MACROD2: variants seen among roughly 807,000 people sequenced by gnomAD.
The protein encoded by MACROD2 is ADP-ribose glycohydrolase MACROD2.
A neutral mutation model predicts 70.4 loss-of-function variants in MACROD2; 36 were observed. That is an observed-to-expected ratio of 0.51 (90% confidence interval 0.39 to 0.68). The LOEUF (loss-of-function observed/expected upper bound fraction) is 0.68. Ranked by LOEUF, MACROD2 falls within the 30% of genes least tolerant of loss-of-function variation. The pLI is 0.00. For missense variants in MACROD2, 496 were observed against 538.4 expected, an observed-to-expected ratio of 0.92 and a Z score of 0.78; for synonymous variants, 172 against 178.8, an observed-to-expected ratio of 0.96 and a Z score of 0.30.
chr20:15,248,172 C>T (rs948247521), intron 6 of MACROD2, among the ~76,000 whole-genome samples: 1 of 152,164 alleles, frequency 6.6e-6, no homozygotes. Flanking sequence ...TTGAGGTCAG[C>T]GCATCTCACA....
At chr20:14,293,671 G>A (rs1222342809) in intron 3 of MACROD2, among the ~76,000 whole-genome samples, 2 of 151,766 alleles carry the variant, frequency 1.3e-5, no homozygotes, top group Admixed American at 6.6e-5. Flanking sequence ...TATTCTTATT[G>A]CAGTGGGAAG....
chr20:16,022,638 A>G (rs1391853428), intron 15 of MACROD2, among the ~76,000 whole-genome samples: 1 of 152,180 alleles, frequency 6.6e-6, no homozygotes, highest in Non-Finnish European at 1.5e-5. Flanking sequence ...AGTATATCCA[A>G]TGCAGATGGT....
At chr20:15,869,238 T>TATAGAGAGAGAGAGAG in intron 9 of MACROD2, among the ~76,000 whole-genome samples, 391 of 28,298 alleles carry the variant, frequency 0.014, 11 homozygotes, top group Middle Eastern at 0.031. Flanking sequence ...TATATATATA[T>TATAGAGAGAGAGAGAG]AGAGAGAGAG....
intron 3 of MACROD2, among the ~76,000 whole-genome samples, chr20:14,109,078 C>A (rs990065299): frequency 2.0e-5 from 3 of 151,918 alleles, no homozygotes; most frequent in African/African-American, 7.2e-5. Context: ...TCTCTGAACA[C>A]AATGGAATAA....
At chr20:14,408,939 T>G (rs753741852) in intron 3 of MACROD2, among the ~76,000 whole-genome samples, 8 of 152,158 alleles carry the variant, frequency 5.3e-5, no homozygotes, top group Non-Finnish European at 1.0e-4. Context: ...TAACCCTGTC[T>G]ATCACTTCTG....
chr20:15,549,960 A>G (rs541319507), intron 8 of MACROD2, among the ~76,000 whole-genome samples: 2 of 152,238 alleles, frequency 1.3e-5, no homozygotes, highest in East Asian at 3.9e-4. Flanking sequence ...ACATTTTCTT[A>G]TATAAGCACA....
At chr20:15,907,408 C>T (rs2065163937) in intron 10 of MACROD2, among the ~76,000 whole-genome samples, 1 of 152,170 alleles carries the variant, frequency 6.6e-6, no homozygotes, top group African/African-American at 2.4e-5. Flanking sequence ...TTAAGTTTGG[C>T]AGAGTACAGC....
At chr20:14,478,708 A>T (rs1405707177) in intron 3 of MACROD2, among the ~76,000 whole-genome samples, 2 of 152,068 alleles carry the variant, frequency 1.3e-5, no homozygotes, top group Non-Finnish European at 2.9e-5. Flanking sequence ...TGTTCATTTT[A>T]GGAGACTCTG....
intron 5 of MACROD2, among the ~76,000 whole-genome samples, chr20:15,072,574 C>T (rs184430222): frequency 1.9e-4 from 29 of 152,236 alleles, no homozygotes; most frequent in African/African-American, 6.7e-4. Context: ...TCCTCTAAGG[C>T]AGAATATTAC....
chr20:14,010,918 C>G (rs2052894507), intron 2 of MACROD2, among the ~76,000 whole-genome samples: 1 of 152,128 alleles, frequency 6.6e-6, no homozygotes, highest in African/African-American at 2.4e-5. Flanking sequence ...TTGTTTTGGG[C>G]TTGATGGTTT....
intron 8 of MACROD2, among the ~76,000 whole-genome samples, chr20:15,636,076 G>GAAAAAAAAAAAAAAAAAAAAAAAAAAAA (rs57402806): frequency 3.5e-5 from 3 of 85,810 alleles, no homozygotes; most frequent in Non-Finnish European, 4.5e-5. Context: ...CCTCTCAAAA[G>GAAAAAAAAAAAAAAAAAAAAAAAAAAAA]AAAAAAAAAA....
At chr20:15,216,470 CTG>C (rs746511495) in intron 5 of MACROD2, among the ~76,000 whole-genome samples, 2 of 151,960 alleles carry the variant, frequency 1.3e-5, no homozygotes, top group African/African-American at 2.4e-5. Context: ...AAAAATAAAA[CTG>C]TCTTTTTCTC....
intron 4 of MACROD2, among the ~76,000 whole-genome samples, chr20:14,522,235 C>T (rs1005642177): frequency 2.0e-5 from 3 of 146,794 alleles, no homozygotes; most frequent in South Asian, 2.1e-4. Context: ...ATACATAACA[C>T]AGATAGATAG....
chr20:15,415,286 C>G (rs1266555083), intron 6 of MACROD2, among the ~76,000 whole-genome samples: 4 of 152,178 alleles, frequency 2.6e-5, no homozygotes, highest in Non-Finnish European at 5.9e-5. Context: ...TTGGTCAGTT[C>G]TTTGGAGCTT....
chr20:14,171,354 G>C (rs1013315304), intron 3 of MACROD2, among the ~76,000 whole-genome samples: 1 of 152,044 alleles, frequency 6.6e-6, no homozygotes, highest in Non-Finnish European at 1.5e-5. Context: ...CTTCTGCTCT[G>C]ATATTTGTTA....
At chr20:14,798,833 C>T (rs2122132300) in intron 5 of MACROD2, among the ~76,000 whole-genome samples, 1 of 151,976 alleles carries the variant, frequency 6.6e-6, no homozygotes, top group Admixed American at 6.6e-5. Flanking sequence ...AGATTTTCCT[C>T]CAAGTTAATT....
chr20:14,513,718 C>T (rs2085055492), intron 4 of MACROD2, among the ~76,000 whole-genome samples: 1 of 151,890 alleles, frequency 6.6e-6, no homozygotes, highest in African/African-American at 2.4e-5. Flanking sequence ...TTAGATGGCT[C>T]CCATATGAAT....
At chr20:15,379,871 A>G (rs572545761) in intron 6 of MACROD2, among the ~76,000 whole-genome samples, 2 of 152,338 alleles carry the variant, frequency 1.3e-5, no homozygotes, top group Non-Finnish European at 2.9e-5. Context: ...ATCCCATGAC[A>G]CATAGAATAA....
At chr20:14,937,387 G>GT (rs1347226826) in intron 5 of MACROD2, among the ~76,000 whole-genome samples, 1 of 151,762 alleles carries the variant, frequency 6.6e-6, no homozygotes, top group South Asian at 2.1e-4. Flanking sequence ...TGTGTGAAAG[G>GT]TTTTTTTTCA....
Sources: allele counts gnomAD v4.1 joint callset (sites outside exome capture counted in the v4.1 genomes callset), GRCh38; gene constraint gnomAD v4.1.1; transcripts MANE v1.5; gene names NCBI Gene and HGNC (gene_info 2026-07-23, HGNC 2026-07-21).